Variants in POU6F2 observed in about 807,000 individuals in gnomAD.
The protein encoded by POU6F2 is POU domain, class 6, transcription factor 2.
POU6F2 carries 31 observed loss-of-function variants against 71.3 expected under a neutral mutation model. The ratio of observed to expected loss-of-function variants is 0.43; its 90% CI spans 0.33 to 0.59. POU6F2 has a LOEUF of 0.59. Ranked by LOEUF, POU6F2 falls within the 20% of genes least tolerant of loss-of-function variation. POU6F2 has a pLI of 0.04. For synonymous variants in POU6F2, 347 were observed against 355.7 expected, an observed-to-expected ratio of 0.98 and a Z score of 0.27; for missense variants, 783 against 856.8, an observed-to-expected ratio of 0.91 and a Z score of 1.07.
At chr7:39,151,191 C>A (rs1047987420) in intron 2 of POU6F2, among the ~76,000 whole-genome samples, 75 of 152,248 alleles carry the variant, frequency 4.9e-4, no homozygotes, top group African/African-American at 1.8e-3. Context: ...CTAGAGAGTT[C>A]TTTTCCTAAT....
At chr7:39,192,596 A>G (rs888332800) in intron 2 of POU6F2, among the ~76,000 whole-genome samples, 2 of 152,192 alleles carry the variant, frequency 1.3e-5, no homozygotes, top group Admixed American at 1.3e-4. Flanking sequence ...GTTCCCTTTA[A>G]GAGAATATGG....
chr7:39,169,024 T>C (rs1793165948), intron 2 of POU6F2, among the ~76,000 whole-genome samples: 1 of 152,240 alleles, frequency 6.6e-6, no homozygotes, highest in Admixed American at 6.5e-5. Flanking sequence ...CCTACCTCAG[T>C]ACATTATTTT....
At chr7:39,376,791 G>C (rs1401913516) in intron 5 of POU6F2, among the ~76,000 whole-genome samples, 1 of 151,828 alleles carries the variant, frequency 6.6e-6, no homozygotes, top group Non-Finnish European at 1.5e-5. Context: ...AAATATATGA[G>C]TATCTGTGAT....
intron 1 of POU6F2, among the ~76,000 whole-genome samples, chr7:38,979,469 T>A (rs371372187): frequency 6.6e-6 from 1 of 152,196 alleles, no homozygotes; most frequent in African/African-American, 2.4e-5. Context: ...AAGTAGATAT[T>A]TGCTTCGACA....
intron 1 of POU6F2, among the ~76,000 whole-genome samples, chr7:39,060,519 A>T (rs1020433940): frequency 3.9e-5 from 6 of 152,228 alleles, no homozygotes; most frequent in Admixed American, 3.9e-4. Flanking sequence ...AACTAAATAT[A>T]TGAAAATCTA....
intron 1 of POU6F2, among the ~76,000 whole-genome samples, chr7:39,063,920 C>A (rs1050404264): frequency 2.6e-5 from 4 of 151,964 alleles, no homozygotes; most frequent in Non-Finnish European, 5.9e-5. Flanking sequence ...AGTGAAGACG[C>A]CTTTAATGTG....
intron 5 of POU6F2, among the ~76,000 whole-genome samples, chr7:39,369,843 G>A (rs1056396939): frequency 1.4e-5 from 2 of 147,152 alleles, no homozygotes; most frequent in South Asian, 2.1e-4. Flanking sequence ...ACCACCACTC[G>A]CAGCATTTTT....
chr7:39,197,848 T>A (rs557067008), intron 2 of POU6F2, among the ~76,000 whole-genome samples: 14 of 152,324 alleles, frequency 9.2e-5, no homozygotes, highest in South Asian at 2.1e-4. Context: ...CATACACACA[T>A]ACATATAGAG....
intron 2 of POU6F2, among the ~76,000 whole-genome samples, chr7:39,150,180 C>T (rs1252861048): frequency 6.6e-6 from 1 of 151,472 alleles, no homozygotes. Context: ...CGTAAGCCAC[C>T]GGACCCAGCC....
intron 5 of POU6F2, among the ~76,000 whole-genome samples, chr7:39,355,544 T>C (rs575053524): frequency 6.6e-6 from 1 of 152,250 alleles, no homozygotes; most frequent in East Asian, 1.9e-4. Context: ...TGGGATTTCT[T>C]AGGTGTATAG....
At chr7:39,001,662 G>T (rs1788910425) in intron 1 of POU6F2, among the ~76,000 whole-genome samples, 1 of 12,548 alleles carries the variant, frequency 8.0e-5, no homozygotes, top group Non-Finnish European at 1.6e-4. Flanking sequence ...GGTGATAATG[G>T]TGGTGGTGAT....
chr7:39,026,073 T>C (rs1482167960), intron 1 of POU6F2, among the ~76,000 whole-genome samples: 8 of 152,164 alleles, frequency 5.3e-5, no homozygotes, highest in Admixed American at 1.3e-4. Flanking sequence ...CCAGTTAGAA[T>C]GGCAATCATT....
intron 4 of POU6F2, among the ~76,000 whole-genome samples, chr7:39,287,570 T>C (rs1312100294): frequency 2.6e-5 from 4 of 152,226 alleles, no homozygotes; most frequent in African/African-American, 9.6e-5. Flanking sequence ...GTTAGCTGTG[T>C]GTCATTCTAT....
chr7:39,402,297 C>T (rs555153972), intron 5 of POU6F2, among the ~76,000 whole-genome samples: 5 of 151,870 alleles, frequency 3.3e-5, no homozygotes, highest in South Asian at 2.1e-4. Flanking sequence ...AGGAGATGCA[C>T]AAAGTATATA....
chr7:39,010,859 G>T (rs1383255803), intron 1 of POU6F2, among the ~76,000 whole-genome samples: 110 of 151,092 alleles, frequency 7.3e-4, no homozygotes, highest in African/African-American at 2.5e-3. Context: ...AATCCTGAGT[G>T]CTAGTTTGAT....
At chr7:39,203,360 T>C (rs758013326) in intron 2 of POU6F2, among the ~76,000 whole-genome samples, 16 of 152,200 alleles carry the variant, frequency 1.1e-4, no homozygotes, top group Non-Finnish European at 2.2e-4. Flanking sequence ...CAACCACCCA[T>C]TAGAAAACTC....
chr7:39,079,180 C>CTTTTTTTTT (rs1162865518), intron 1 of POU6F2, among the ~76,000 whole-genome samples: 1 of 79,306 alleles, frequency 1.3e-5, no homozygotes, highest in Non-Finnish European at 2.2e-5. Context: ...CTCACAATAT[C>CTTTTTTTTT]TTTTTTTTTT....
chr7:38,981,601 C>A (rs1788318031), intron 1 of POU6F2, among the ~76,000 whole-genome samples: 1 of 152,128 alleles, frequency 6.6e-6, no homozygotes, highest in African/African-American at 2.4e-5. Flanking sequence ...GAGAGAGAGA[C>A]AGCTGGATAA....
At chr7:39,162,540 G>C (rs1047448726) in intron 2 of POU6F2, among the ~76,000 whole-genome samples, 2 of 152,148 alleles carry the variant, frequency 1.3e-5, no homozygotes, top group African/African-American at 4.8e-5. Context: ...CGATCAGATA[G>C]TCTCCATTTA....
Sources: allele counts gnomAD v4.1 joint callset (sites outside exome capture counted in the v4.1 genomes callset), GRCh38; gene constraint gnomAD v4.1.1; transcripts MANE v1.5; gene names NCBI Gene and HGNC (gene_info 2026-07-23, HGNC 2026-07-21).